ADAM7: variants seen among roughly 807,000 people sequenced by gnomAD.
ADAM7 encodes the protein ADAM metallopeptidase domain 7.
Under a neutral mutation model 102.9 loss-of-function variants are expected in ADAM7, and 97 were observed. The ratio of observed to expected loss-of-function variants is 0.94; its 90% CI spans 0.80 to 1.12. ADAM7 has a LOEUF of 1.12. ADAM7 is among the 50% of genes most tolerant of loss of function. ADAM7 has a pLI of 0.00. For synonymous variants in ADAM7, 334 were observed against 304.4 expected (o/e 1.10, Z -1.01); for missense variants, 991 against 908.7 (o/e 1.09, Z -1.16).
rs1431146474 is a variant in ADAM7, at chr8:24,491,965, C to T, written c.1419C>T (p.Cys473=). Residue 473 remains cysteine (C), a synonymous_variant, in exon 14 of 22, where the codon TGC becomes TGT. Transcript: ENST00000175238. The part of the protein sequence containing the change: ...AKDECDFPEM[C]TGHSPACPKD... Reference sequence around the variant, plus strand: ...ATGAATGTGATTTTCCTGAGATGTGCACTGGCCACTCGCCTGCCTGTCCTA... The same window carrying T: ...ATGAATGTGATTTTCCTGAGATGTGTACTGGCCACTCGCCTGCCTGTCCTA... The T allele has an allele frequency of 6.2e-7, 1 of 1,613,784 alleles. No homozygotes were observed. The highest frequency in any genetic ancestry group is 1.1e-5 in the South Asian group (1 of 91,048).
chr8:24,446,357 T>C (rs1818558182), intron 2 of ADAM7, among the ~76,000 whole-genome samples: 1 of 152,224 alleles, frequency 6.6e-6, no homozygotes, highest in South Asian at 2.1e-4. Context: ...TTAAAATATT[T>C]GTATTAATCA....
chr8:24,491,116 G>C (rs192437086), intron 13 of ADAM7, among the ~76,000 whole-genome samples: 15 of 152,274 alleles, frequency 9.9e-5, no homozygotes, highest in South Asian at 6.2e-4. Flanking sequence ...GTTTAGGAGG[G>C]AAGTCACATG....
chr8:24,485,346 C>T lies in ADAM7; in HGVS notation c.945C>T (p.Ser315=), dbSNP rs1820104685. 6.2e-7 allele frequency: 1 copy of T among 1,613,332 alleles called. No individual in the cohort carries two copies. The highest frequency in any genetic ancestry group is 8.5e-7 in the Non-Finnish European group (1 of 1,179,630). Residue 315 remains serine, a synonymous_variant, in exon 10 of 22, where the codon TCC becomes TCT. Transcript: ENST00000175238. ...YPGGMCLPYY[S]TSIIKDLLPD... ...GGGGTATGTGCCTGCCCTATTATTC[C>T]ACCAGTATCATTAAGGTGGGCTGTG...
intron 3 of ADAM7, among the ~76,000 whole-genome samples, chr8:24,461,993 T>C (rs1819258726): frequency 6.6e-6 from 1 of 152,226 alleles, no homozygotes; most frequent in African/African-American, 2.4e-5. Context: ...GCTGATCATC[T>C]TTTCTCTTGA....
chr8:24,506,144 C>G (rs1820941721), intron 20 of ADAM7: 14 of 1,549,904 alleles, frequency 9.0e-6, no homozygotes, highest in Non-Finnish European at 1.2e-5. Flanking sequence ...CAAGTCCCCA[C>G]TACATCACAC....
At chr8:24,452,144 G>C (rs1296465884) in intron 3 of ADAM7, among the ~76,000 whole-genome samples, 14 of 151,458 alleles carry the variant, frequency 9.2e-5, no homozygotes, top group Admixed American at 7.9e-4. Context: ...GGGGTGGAGA[G>C]TTCTGTAGAT....
intron 7 of ADAM7, among the ~76,000 whole-genome samples, chr8:24,472,275 A>C (rs1819632923): frequency 6.6e-6 from 1 of 151,962 alleles, no homozygotes; most frequent in Non-Finnish European, 1.5e-5. Flanking sequence ...CTGATATACT[A>C]CCTTGCATTT....
chr8:24,456,159 C>A (rs760157187), intron 3 of ADAM7, among the ~76,000 whole-genome samples: 1 of 152,184 alleles, frequency 6.6e-6, no homozygotes, highest in Non-Finnish European at 1.5e-5. Context: ...TGGTGACCAC[C>A]ATTTTATTCT....
At chr8:24,467,561 A>G (rs1273834685) in intron 6 of ADAM7, 1 of 153,832 alleles carries the variant, frequency 6.5e-6, no homozygotes, top group East Asian at 1.9e-4. Flanking sequence ...CATGATTTGT[A>G]TAGTGTCTGA....
chr8:24,489,304 G>T lies in ADAM7; in HGVS notation c.1237G>T (p.Gly413Cys). 1 of 1,613,018 alleles carries T rather than the reference G, an allele frequency of 6.2e-7. No individual in the cohort carries two copies. The highest frequency in any genetic ancestry group is 8.5e-7 in the Non-Finnish European group (1 of 1,179,476). The change falls in exon 12 of 22, where the codon GGT becomes TGT. Residue 413 changes from glycine (G) to cysteine (C), a missense_variant. Coordinates refer to ENST00000175238, the MANE Select transcript of ADAM7 (RefSeq NM_003817.4). ...QFCGNKKLDE[G>C]EECDCGPAQE... ...TTGTGGAAACAAGAAGTTGGATGAG[G>T]GTGAAGAGTGTGACTGTGGCCCTGC...
Position 24,442,565 on chromosome 8 carries a change from G to A in ADAM7, c.145G>A (p.Asp49Asn). The change falls in exon 2 of 22, where the codon GAT becomes AAT. Residue 49 changes from aspartate (D) to asparagine (N), a missense_variant. Coordinates refer to ENST00000175238, the MANE Select transcript of ADAM7 (RefSeq NM_003817.4). The part of the protein sequence containing the change: ...QKRDTGHTHD[D>N]DILKTYEEEL... Reference sequence around the variant, plus strand: ...GCGAGATACTGGACACACCCATGATGATGACATACTGGTACAAGTTTTGAT... The same window carrying A: ...GCGAGATACTGGACACACCCATGATAATGACATACTGGTACAAGTTTTGAT... The A allele has an allele frequency of 6.2e-7, 1 of 1,613,270 alleles. No homozygotes were observed. Among genetic ancestry groups the A allele is most frequent in the South Asian group, 1.1e-5 (1 of 91,046 alleles).
Position 24,509,399 on chromosome 8 carries a change from C to G in ADAM7, c.*853C>G. The G allele has an allele frequency of 1.0e-6, 1 of 985,430 alleles. No homozygotes were observed. The highest frequency in any genetic ancestry group is 1.2e-6 in the Non-Finnish European group (1 of 829,928). 61.0% of individuals were successfully genotyped at this position (985,430 alleles called of 1,614,324 possible). ...TGGGAATGATTTCAGCTGCTTCTTA[C>G]ACAGATGCCTCTCAAGGTGTTCTTT... On this transcript the variant is annotated 3_prime_UTR_variant, in exon 22 of 22. Transcript: ENST00000175238.
chr8:24,483,436 T>C (rs567401895), intron 9 of ADAM7, among the ~76,000 whole-genome samples: 5 of 152,266 alleles, frequency 3.3e-5, no homozygotes, highest in Middle Eastern at 6.8e-3. Flanking sequence ...ATAATATCGG[T>C]ATTTCTCCTA....
chr8:24,480,534 A>T (rs1459154492), intron 8 of ADAM7, among the ~76,000 whole-genome samples: 1 of 152,164 alleles, frequency 6.6e-6, no homozygotes, highest in Non-Finnish European at 1.5e-5. Flanking sequence ...ATCCAAAACT[A>T]TCCAAGAATT....
chr8:24,467,329 C>T, intron 6 of ADAM7: 1 of 336,152 alleles, frequency 3.0e-6, no homozygotes. Context: ...TTTTTTTTTG[C>T]AGAGTTATTG....
chr8:24,469,824 C>A (rs551191124), intron 7 of ADAM7, among the ~76,000 whole-genome samples: 79 of 151,840 alleles, frequency 5.2e-4, no homozygotes, highest in African/African-American at 1.6e-3. Flanking sequence ...ACGTATATAC[C>A]CTTGAAAAAA....
intron 20 of ADAM7, among the ~76,000 whole-genome samples, chr8:24,504,332 C>T (rs1585936441): frequency 6.6e-6 from 1 of 152,104 alleles, no homozygotes; most frequent in African/African-American, 2.4e-5. Context: ...CATGCCACTG[C>T]ATTCCAACCT....
chr8:24,455,565 C>T (rs1390680436), intron 3 of ADAM7, among the ~76,000 whole-genome samples: 2 of 152,176 alleles, frequency 1.3e-5, no homozygotes, highest in African/African-American at 2.4e-5. Flanking sequence ...CATGCCACCA[C>T]ACCCAGCTAA....
chr8:24,469,821 T>C (rs1353222723), intron 7 of ADAM7, among the ~76,000 whole-genome samples: 1 of 152,042 alleles, frequency 6.6e-6, no homozygotes, highest in Non-Finnish European at 1.5e-5. Flanking sequence ...AAAACGTATA[T>C]ACCCTTGAAA....
Sources: allele counts gnomAD v4.1 joint callset (sites outside exome capture counted in the v4.1 genomes callset), GRCh38; gene constraint gnomAD v4.1.1; transcripts MANE v1.5; gene names NCBI Gene and HGNC (gene_info 2026-07-23, HGNC 2026-07-21).